RASGEF1A: variants seen among roughly 807,000 people sequenced by gnomAD.
The protein encoded by RASGEF1A is ras-GEF domain-containing family member 1A.
RASGEF1A carries 18 observed loss-of-function variants against 56.4 expected under a neutral mutation model. The ratio of observed to expected loss-of-function variants is 0.32; its 90% CI spans 0.22 to 0.47. The LOEUF is 0.47. Ranked by LOEUF, RASGEF1A falls within the 20% of genes least tolerant of loss-of-function variation. The pLI, the probability that RASGEF1A is intolerant of heterozygous loss-of-function variation, is 1.00. For synonymous variants in RASGEF1A, 245 were observed against 242.6 expected (o/e 1.01, Z -0.09); for missense variants, 422 against 627.1 (o/e 0.67, Z 3.49).
intron 1 of RASGEF1A, among the ~76,000 whole-genome samples, chr10:43,212,565 A>C (rs1487087807): frequency 6.6e-6 from 1 of 152,198 alleles, no homozygotes; most frequent in African/African-American, 2.4e-5. Flanking sequence ...TGGCACTGGC[A>C]CCTGAACCTC....
At chr10:43,202,504 G>A (rs1230681158) in intron 3 of RASGEF1A, among the ~76,000 whole-genome samples, 1 of 152,052 alleles carries the variant, frequency 6.6e-6, no homozygotes, top group Non-Finnish European at 1.5e-5. Context: ...CCCCCGGGGA[G>A]AGGGGACTGT....
At chr10:43,198,299 C>T in intron 9 of RASGEF1A, 104 bp from the exon 10 acceptor site, 3 of 1,066,032 alleles carry the variant, frequency 2.8e-6, no homozygotes, top group Non-Finnish European at 3.9e-6. Flanking sequence ...GAGAAGGCAC[C>T]TGGCCCCTGG....
intron 1 of RASGEF1A, among the ~76,000 whole-genome samples, chr10:43,254,024 G>A (rs1338264511): frequency 6.6e-6 from 1 of 152,156 alleles, no homozygotes; most frequent in Non-Finnish European, 1.5e-5. Flanking sequence ...ATGGGGTCTG[G>A]CACCATCCTC....
At chr10:43,258,361 G>A (rs1204327997) in intron 1 of RASGEF1A, among the ~76,000 whole-genome samples, 1 of 152,154 alleles carries the variant, frequency 6.6e-6, no homozygotes, top group Non-Finnish European at 1.5e-5. Flanking sequence ...AGGTGAAGTC[G>A]CCCCTCCTAA....
At chr10:43,211,639 GT>G (rs1840070708) in intron 1 of RASGEF1A, among the ~76,000 whole-genome samples, 1 of 152,190 alleles carries the variant, frequency 6.6e-6, no homozygotes, top group African/African-American at 2.4e-5. Context: ...GACTCGTGGG[GT>G]CCTGCTGCTG....
At chr10:43,264,947 C>T (rs773182058) in intron 1 of RASGEF1A, among the ~76,000 whole-genome samples, 1 of 152,174 alleles carries the variant, frequency 6.6e-6, no homozygotes, top group African/African-American at 2.4e-5. Flanking sequence ...CAAAGGCCAA[C>T]CAAAGCTGTC....
At chr10:43,241,561 A>G (rs1047955368) in intron 1 of RASGEF1A, among the ~76,000 whole-genome samples, 2 of 152,204 alleles carry the variant, frequency 1.3e-5, no homozygotes, top group African/African-American at 4.8e-5. Context: ...TCAAAAATAT[A>G]CAATAAAGGA....
intron 3 of RASGEF1A, chr10:43,202,638 C>A: frequency 2.1e-6 from 1 of 467,412 alleles, no homozygotes; most frequent in South Asian, 1.6e-5. Flanking sequence ...ACCGCTGGAC[C>A]CCGCCCCCGG....
intron 1 of RASGEF1A, among the ~76,000 whole-genome samples, chr10:43,233,914 T>C (rs1840401319): frequency 6.6e-6 from 1 of 152,108 alleles, no homozygotes; most frequent in African/African-American, 2.4e-5. Context: ...TGTCACTCAA[T>C]GGAACGCTCC....
chr10:43,198,530 A>G (rs182216285), intron 9 of RASGEF1A, among the ~76,000 whole-genome samples: 324 of 152,318 alleles, frequency 2.1e-3, no homozygotes, highest in Admixed American at 5.9e-3. Flanking sequence ...CACAAGACAC[A>G]TGCTTTGCAA....
chr10:43,200,804 G>A lies in RASGEF1A; in HGVS notation c.544C>T (p.Leu182=). 3 of 1,613,958 alleles carry A rather than the reference G, an allele frequency of 1.9e-6. No individual in the cohort carries two copies. The highest frequency in any genetic ancestry group is 2.5e-6 in the Non-Finnish European group (3 of 1,180,038). Residue 182 remains leucine, a synonymous_variant, in exon 5 of 13, where the codon CTG becomes TTG. Transcript: ENST00000395810. The stretch of plus-strand genomic sequence containing the variant: ...GCCGGTGGCCGGAGCTTCTCTCGCA[G>A]TTCCTGGAGCTGGCTCCGGGCAGCC... ...SLAARSQLQE[L]REKLRPPAVD... is the part of the protein sequence containing the mutation.
At chr10:43,260,943 G>C (rs1366139717) in intron 1 of RASGEF1A, among the ~76,000 whole-genome samples, 2 of 152,242 alleles carry the variant, frequency 1.3e-5, no homozygotes, top group East Asian at 3.9e-4. Context: ...ACTGTAGTCG[G>C]AACACTTGGC....
rs374879682 is a variant in RASGEF1A at position 43,196,956 on chromosome 10, C to T, written c.1348+20G>A. On this transcript the variant is annotated intron_variant, in intron 11 of 12. Transcript: ENST00000395810. This position sits in a 1 kb window ranked among gnomAD's most constrained non-coding sequence, Gnocchi z 4.6. ...GTCAGGTGGGGTGGGAGGCATGCTG[C>T]GTTGGGAGGCAGCCCTCACCTTCCT... 2.3e-5 allele frequency: 37 copies of T among 1,611,140 alleles called. No homozygotes were observed. Among genetic ancestry groups the T allele is most frequent in the East Asian group, 4.5e-5 (2 of 44,882 alleles).
At position 43,205,943 on chromosome 10, in the gene RASGEF1A, A is replaced by ACCATC; in HGVS notation, c.173_174insGATGG (p.Pro59MetfsTer19). 1 of 1,613,250 alleles carries ACCATC rather than the reference A, an allele frequency of 6.2e-7. No homozygotes were observed. Among genetic ancestry groups the ACCATC allele is most frequent in the Non-Finnish European group, 8.5e-7 (1 of 1,179,890 alleles). ...CATCGGGGTAATAGTCCACCGTGGG[A>ACCATC]ACAAGGTGCTCCATCAGGGCCTCCA... On this transcript the variant is annotated frameshift_variant, in exon 2 of 13. Coordinates refer to ENST00000395810, the MANE Select transcript of RASGEF1A (RefSeq NM_145313.4). LOFTEE classifies it high-confidence loss of function.
chr10:43,238,400 G>A (rs528447422), intron 1 of RASGEF1A, among the ~76,000 whole-genome samples: 3 of 152,350 alleles, frequency 2.0e-5, no homozygotes, highest in Admixed American at 2.0e-4. Context: ...GAGCTGCTCA[G>A]TGTACTTCAC....
intron 1 of RASGEF1A, among the ~76,000 whole-genome samples, chr10:43,239,036 C>T (rs1286587085): frequency 6.6e-6 from 1 of 152,150 alleles, no homozygotes; most frequent in Non-Finnish European, 1.5e-5. Flanking sequence ...GGAATGATGC[C>T]CTGTAGTTTC....
chr10:43,263,652 T>G (rs1461602918), intron 1 of RASGEF1A, among the ~76,000 whole-genome samples: 2 of 152,014 alleles, frequency 1.3e-5, no homozygotes, highest in African/African-American at 4.8e-5. Flanking sequence ...CTGGCTGCCC[T>G]GGGCAGCACA....
At chr10:43,205,659 T>A (rs959446338) in intron 2 of RASGEF1A, among the ~76,000 whole-genome samples, 4 of 152,120 alleles carry the variant, frequency 2.6e-5, no homozygotes, top group Admixed American at 6.5e-5. Flanking sequence ...GCTTCCCGTG[T>A]CCCTAGGATC....
chr10:43,196,025 C>A lies in RASGEF1A; in HGVS notation c.*219G>T, dbSNP rs933386672. The A allele has an allele frequency of 2.4e-6, 1 of 415,726 alleles. No individual in the cohort carries two copies. The highest frequency in any genetic ancestry group is 4.3e-6 in the Non-Finnish European group (1 of 232,970). The allele number at this position is 415,726 out of a possible 1,614,324, so 25.8% of individuals were successfully genotyped here. A position where few individuals can be genotyped will look rare whatever the true frequency, so the allele number is the denominator to read the frequency against. On this transcript the variant is annotated 3_prime_UTR_variant, in exon 13 of 13. Transcript: ENST00000395810. This position sits in a 1 kb window ranked among gnomAD's most constrained non-coding sequence, Gnocchi z 4.6. ...TCTCCCATGATACTCTCCCCTCCCCCTCCCCAAAGCAGGGCCCTGCCCTGT... is the reference window on the plus strand; with the variant it reads ...TCTCCCATGATACTCTCCCCTCCCCATCCCCAAAGCAGGGCCCTGCCCTGT...
Sources: allele counts gnomAD v4.1 joint callset (sites outside exome capture counted in the v4.1 genomes callset), GRCh38; gene constraint gnomAD v4.1.1; non-coding constraint Gnocchi (gnomAD v3.1); transcripts MANE v1.5; gene names NCBI Gene and HGNC (gene_info 2026-07-23, HGNC 2026-07-21).